HS6ST3: variants seen among roughly 807,000 people sequenced by gnomAD.
HS6ST3 encodes heparan-sulfate 6-O-sulfotransferase 3.
HS6ST3 carries 12 observed loss-of-function variants against 36.7 expected under a neutral mutation model. That is an observed-to-expected ratio of 0.33 (90% CI 0.21 to 0.53). The LOEUF is 0.53. HS6ST3 is among the 20% of genes least tolerant of loss of function. The pLI, the probability that HS6ST3 is intolerant of heterozygous loss-of-function variation, is 0.95. For missense variants in HS6ST3, 584 were observed against 640.9 expected, an observed-to-expected ratio of 0.91 and a Z score of 0.96; for synonymous variants, 240 against 257.5, an observed-to-expected ratio of 0.93 and a Z score of 0.65.
chr13:96,620,836 A>G (rs919198585), intron 1 of HS6ST3, among the ~76,000 whole-genome samples: 2 of 152,180 alleles, frequency 1.3e-5, no homozygotes, highest in Non-Finnish European at 2.9e-5. Flanking sequence ...GAGTTCAGCA[A>G]TTAATTTTTT....
intron 1 of HS6ST3, among the ~76,000 whole-genome samples, chr13:96,641,442 G>T (rs903323020): frequency 2.0e-5 from 3 of 151,714 alleles, no homozygotes; most frequent in Non-Finnish European, 4.4e-5. Context: ...TATAGATATA[G>T]AATCATATCA....
In HS6ST3 at chr13:96,786,476, G is replaced by A. The variant is rs117522337; in HGVS notation, c.708-46014G>A. Among the ~76,000 whole-genome samples the A allele has an allele frequency of 7.6e-4, 115 of 152,198 alleles. 1 individual carries two copies. In the East Asian group the frequency reaches 0.019, roughly 26 times the overall value. The stretch of plus-strand genomic sequence containing the variant: ...CCAGACCCTGGCATACACCTGGCAC[G>A]TGGTAGGTGTACCGTAAATATTAAC... On this transcript the variant is annotated intron_variant, in intron 1 of 1. Transcript: ENST00000376705.
intron 1 of HS6ST3, among the ~76,000 whole-genome samples, chr13:96,101,797 T>G (rs1257590225): frequency 6.6e-6 from 1 of 152,172 alleles, no homozygotes; most frequent in East Asian, 1.9e-4. Flanking sequence ...TATACCAACC[T>G]GAATCTTCTC....
rs185958062 is a variant in HS6ST3 at position 96,175,090 on chromosome 13, T to A, written c.707+83521T>A. ...CATTCTAGAATTTTTTCATGACTGC[T>A]TAATTAGTCTTACCGTTTCTTGGAT... On this transcript the variant is annotated intron_variant, in intron 1 of 1. Transcript: ENST00000376705. Among the ~76,000 whole-genome samples, 20 of 152,354 alleles carry A rather than the reference T, an allele frequency of 1.3e-4. No homozygotes were observed. The East Asian group carries it at 3.9e-3, about 29-fold the overall frequency.
At chr13:96,797,646 A>C (rs989647846) in intron 1 of HS6ST3, among the ~76,000 whole-genome samples, 7 of 152,084 alleles carry the variant, frequency 4.6e-5, no homozygotes, top group Non-Finnish European at 8.8e-5. Context: ...TTTTTTAAAA[A>C]TCTGTTTCTG....
At chr13:96,372,865 G>A (rs1175926099) in intron 1 of HS6ST3, among the ~76,000 whole-genome samples, 2 of 151,936 alleles carry the variant, frequency 1.3e-5, no homozygotes, top group Non-Finnish European at 2.9e-5. Flanking sequence ...TTAGAATTTG[G>A]ATTTTTTAAA....
At position 96,444,098 on chromosome 13, in the gene HS6ST3, G is replaced by A. The variant is rs576225032; in HGVS notation, c.707+352529G>A. Among the ~76,000 whole-genome samples, 146 of 152,242 alleles carry A rather than the reference G, an allele frequency of 9.6e-4. 2 individuals are homozygous for A. The highest frequency in any genetic ancestry group is 9.0e-4 in the Non-Finnish European group (61 of 68,006). ...CTGAGAGATGGCAGGGATGAGGACC[G>A]GTGGAGAAAAGTATAGAGTGTGAAG... On this transcript the variant is annotated intron_variant, in intron 1 of 1. Transcript: ENST00000376705.
chr13:96,112,011 G>A (rs1321374030), intron 1 of HS6ST3, among the ~76,000 whole-genome samples: 1 of 152,154 alleles, frequency 6.6e-6, no homozygotes, highest in Non-Finnish European at 1.5e-5. Context: ...TCCTGAAGAA[G>A]AAAAGTGATG....
intron 1 of HS6ST3, among the ~76,000 whole-genome samples, chr13:96,447,944 G>A (rs1206368173): frequency 6.6e-6 from 1 of 152,032 alleles, no homozygotes. Context: ...ATCAAAACTG[G>A]TGCGAGGACC....
At chr13:96,707,827 A>T (rs896968009) in intron 1 of HS6ST3, among the ~76,000 whole-genome samples, 5 of 152,198 alleles carry the variant, frequency 3.3e-5, no homozygotes, top group African/African-American at 1.2e-4. Context: ...TCCTTTTTCC[A>T]TAGAGAGCCA....
chr13:96,275,915 C>A (rs1927786), intron 1 of HS6ST3, among the ~76,000 whole-genome samples: 83,089 of 149,864 alleles, frequency 0.55, 23,736 homozygotes, highest in African/African-American at 0.7. Flanking sequence ...ACATAAAATT[C>A]TGTGTGCAAA....
chr13:96,333,962 A>G (rs540555747), intron 1 of HS6ST3, among the ~76,000 whole-genome samples: 1 of 152,242 alleles, frequency 6.6e-6, no homozygotes, highest in East Asian at 1.9e-4. Context: ...GGCTTATTTG[A>G]ATAATTCTGC....
chr13:96,740,151 T>C (rs758964879), intron 1 of HS6ST3, among the ~76,000 whole-genome samples: 3 of 152,162 alleles, frequency 2.0e-5, no homozygotes, highest in Non-Finnish European at 2.9e-5. Flanking sequence ...TCTTATTCAT[T>C]GCCTGTCTCC....
intron 1 of HS6ST3, among the ~76,000 whole-genome samples, chr13:96,557,604 A>G (rs2056245880): frequency 6.6e-6 from 1 of 151,482 alleles, no homozygotes; most frequent in South Asian, 2.1e-4. Context: ...AAGTACATGA[A>G]GAATAAGGAT....
intron 1 of HS6ST3, among the ~76,000 whole-genome samples, chr13:96,533,388 G>A (rs1293398700): frequency 6.6e-6 from 1 of 152,172 alleles, no homozygotes; most frequent in African/African-American, 2.4e-5. Context: ...TTAATGGACA[G>A]CCTGATTAGA....
At chr13:96,529,783 A>G (rs189034451) in intron 1 of HS6ST3, among the ~76,000 whole-genome samples, 17 of 152,266 alleles carry the variant, frequency 1.1e-4, no homozygotes, top group African/African-American at 4.1e-4. Context: ...GCTTTCTTCT[A>G]TCAAATTATT....
intron 1 of HS6ST3, among the ~76,000 whole-genome samples, chr13:96,170,868 G>GA (rs542756620): frequency 3.6e-4 from 55 of 152,338 alleles, no homozygotes; most frequent in African/African-American, 1.2e-3. Context: ...AAACTGTATT[G>GA]AATTTCTGGA....
chr13:96,205,545 T>G (rs895357610), intron 1 of HS6ST3, among the ~76,000 whole-genome samples: 2 of 152,108 alleles, frequency 1.3e-5, no homozygotes, highest in Admixed American at 1.3e-4. Context: ...TTCAGGCCAA[T>G]ATCCTTGATG....
chr13:96,416,441 G>A (rs2055533338), intron 1 of HS6ST3, among the ~76,000 whole-genome samples: 1 of 152,106 alleles, frequency 6.6e-6, no homozygotes, highest in Non-Finnish European at 1.5e-5. Flanking sequence ...ATAGGGTTAG[G>A]ATTAAAAACA....
Sources: allele counts gnomAD v4.1 joint callset (sites outside exome capture counted in the v4.1 genomes callset), GRCh38; gene constraint gnomAD v4.1.1; transcripts MANE v1.5; gene names NCBI Gene and HGNC (gene_info 2026-07-23, HGNC 2026-07-21).